Variants in PPIP5K2 observed in about 807,000 individuals in gnomAD.
PPIP5K2 encodes diphosphoinositol pentakisphosphate kinase 2, also known as inositol hexakisphosphate and diphosphoinositol-pentakisphosphate kinase 2.
In PPIP5K2, 105 loss-of-function variants were observed where a neutral mutation model predicts 154.6. The observed-to-expected ratio is 0.68, with a 90% CI of 0.58 to 0.80. PPIP5K2 has a LOEUF of 0.80. Ranked by LOEUF, PPIP5K2 falls within the 30% of genes least tolerant of loss-of-function variation. The pLI is 0.00. For missense variants in PPIP5K2, 992 were observed against 1,504.6 expected (o/e 0.66, Z 5.64); for synonymous variants, 480 against 490.3 (o/e 0.98, Z 0.28).
chr5:103,125,617 C>G (rs1242467369), intron 1 of PPIP5K2, among the ~76,000 whole-genome samples: 1 of 151,928 alleles, frequency 6.6e-6, no homozygotes, highest in African/African-American at 2.4e-5. Flanking sequence ...TATAACTTGT[C>G]TGTATTTCAT....
At chr5:103,145,782 C>T (rs1164074245) in intron 5 of PPIP5K2, among the ~76,000 whole-genome samples, 2 of 151,432 alleles carry the variant, frequency 1.3e-5, no homozygotes, top group African/African-American at 2.4e-5. Context: ...TATAGCAACA[C>T]AGATAGAATA....
At chr5:103,165,968 AG>A (rs1488958609) in intron 17 of PPIP5K2, among the ~76,000 whole-genome samples, 3 of 152,110 alleles carry the variant, frequency 2.0e-5, no homozygotes, top group African/African-American at 7.2e-5. Context: ...AGCTATAGAC[AG>A]TAGCAGAGCT....
intron 29 of PPIP5K2, among the ~76,000 whole-genome samples, chr5:103,193,291 T>G (rs1288860317): frequency 5.3e-5 from 8 of 152,098 alleles, no homozygotes; most frequent in Admixed American, 3.9e-4. Flanking sequence ...ATACTATTTA[T>G]TAAATTATAG....
chr5:103,139,666 TCACCAAA>T (rs1735985943), intron 5 of PPIP5K2, among the ~76,000 whole-genome samples: 1 of 152,112 alleles, frequency 6.6e-6, no homozygotes, highest in Admixed American at 6.6e-5. Flanking sequence ...AAATGTGACC[TCACCAAA>T]CAAACTAAAT....
At chr5:103,138,590 AAAT>A (rs1791994411) in intron 5 of PPIP5K2, 121 bp downstream of exon 5, 1 of 529,814 alleles carries the variant, frequency 1.9e-6, no homozygotes, top group South Asian at 3.6e-5. Context: ...CCATTTTAAA[AAAT>A]AATCTAAACA....
In PPIP5K2 at chr5:103,172,580, A is replaced by G. The variant is rs529949315; in HGVS notation, c.2287-575A>G. On this transcript the variant is annotated intron_variant, in intron 19 of 30. Transcript: ENST00000358359. Reference sequence around the variant, plus strand: ...CATTGCAATTACTCTTAAAATTGCCATGTTTTCTGGACACTTCACATTGTG... The same window carrying G: ...CATTGCAATTACTCTTAAAATTGCCGTGTTTTCTGGACACTTCACATTGTG... Among the ~76,000 whole-genome samples, 11 of 151,648 alleles carry G rather than the reference A, an allele frequency of 7.3e-5. 1 individual carries two copies. The highest frequency in any genetic ancestry group is 6.2e-4 in the South Asian group (3 of 4,812).
At chr5:103,149,947 G>A (rs1318610157) in intron 8 of PPIP5K2, among the ~76,000 whole-genome samples, 2 of 151,772 alleles carry the variant, frequency 1.3e-5, no homozygotes, top group African/African-American at 4.8e-5. Flanking sequence ...TGCCCACCTC[G>A]GCTTCCCAAA....
chr5:103,199,871 C>T (rs1375616844), intron 30 of PPIP5K2, among the ~76,000 whole-genome samples: 4 of 152,068 alleles, frequency 2.6e-5, no homozygotes, highest in Non-Finnish European at 5.9e-5. Flanking sequence ...TGTCCTAGAG[C>T]ATAGTTAGAA....
chr5:103,150,843 C>CTTTT (rs377739666), intron 8 of PPIP5K2, among the ~76,000 whole-genome samples: 4,391 of 67,312 alleles, frequency 0.065, no homozygotes, highest in South Asian at 0.1. Flanking sequence ...GTCCATCCTC[C>CTTTT]TTTTTTTTTT....
At chr5:103,174,147 T>A in intron 21 of PPIP5K2, 175 bp downstream of exon 21, 1 of 504,774 alleles carries the variant, frequency 2.0e-6, no homozygotes, top group Non-Finnish European at 3.5e-6. Flanking sequence ...GGGATAAAGA[T>A]GTTCTCTTCA....
At position 103,186,342 on chromosome 5, in the gene PPIP5K2, T is replaced by C; in HGVS notation, c.3192T>C (p.Phe1064=). ...PTVGSHCAGL[F]STSVLGGSSS... ...CAGGGTCTCACTGTGCGGGCCTGTT[T>C]AGCACCTCGGTGCTCGGGGGTTCTT... is the stretch of plus-strand genomic sequence containing the variant. The change falls in exon 27 of 31, where the codon TTT becomes TTC. Residue 1064 remains phenylalanine, a synonymous_variant. Coordinates refer to ENST00000358359, the MANE Select transcript of PPIP5K2 (RefSeq NM_001276277.3). The C allele has an allele frequency of 3.1e-6, 5 of 1,613,900 alleles. No individual in the cohort carries two copies. Among genetic ancestry groups the C allele is most frequent in the Non-Finnish European group, 4.2e-6 (5 of 1,179,876 alleles).
At chr5:103,153,264 C>T (rs1388345468) in intron 10 of PPIP5K2, among the ~76,000 whole-genome samples, 3 of 151,574 alleles carry the variant, frequency 2.0e-5, no homozygotes, top group Non-Finnish European at 4.4e-5. Context: ...ATTTAACACG[C>T]AAGTGTTAAA....
intron 23 of PPIP5K2, among the ~76,000 whole-genome samples, chr5:103,179,634 T>C (rs1279654940): frequency 6.6e-6 from 1 of 152,184 alleles, no homozygotes; most frequent in Non-Finnish European, 1.5e-5. Context: ...AAGTGCTGTT[T>C]AGTTCATGCT....
At chr5:103,172,517 T>G (rs1798118166) in intron 19 of PPIP5K2, among the ~76,000 whole-genome samples, 1 of 151,602 alleles carries the variant, frequency 6.6e-6, no homozygotes, top group South Asian at 2.1e-4. Flanking sequence ...TTCTGCCTTC[T>G]TCCTTTCTCC....
Position 103,211,084 on chromosome 5 carries a change from G to A in PPIP5K2, c.*9450G>A, listed in dbSNP as rs1554232561. The A allele has an allele frequency of 6.6e-6, 1 of 152,092 alleles. No individual in the cohort carries two copies. The highest frequency in any genetic ancestry group is 1.5e-5 in the Non-Finnish European group (1 of 67,970). 9.4% of individuals were successfully genotyped at this position (152,092 alleles called of 1,614,324 possible). On this transcript the variant is annotated 3_prime_UTR_variant, in exon 31 of 31. Coordinates refer to ENST00000358359, the MANE Select transcript of PPIP5K2 (RefSeq NM_001276277.3). The stretch of plus-strand genomic sequence containing the variant: ...CATATGCATTATTACCCTTGTCTGA[G>A]TGGTTGTTTAAACTGACATCTGTAA...
rs149020108 is a variant in PPIP5K2, at chr5:103,141,364, G to A, written c.487+2895G>A. ...GTGAAGCTGCAGACCTTCGCGGTGA[G>A]TGTTACAGCTCTTAAGGTAGCGCGT... On this transcript the variant is annotated intron_variant, in intron 5 of 30. Coordinates refer to ENST00000358359, the MANE Select transcript of PPIP5K2 (RefSeq NM_001276277.3). Among the ~76,000 whole-genome samples the A allele has an allele frequency of 9.0e-3, 1,369 of 152,290 alleles. 8 individuals are homozygous for A. The highest frequency in any genetic ancestry group is 0.013 in the Non-Finnish European group (856 of 68,020).
chr5:103,137,102 A>T (rs1404380403), intron 4 of PPIP5K2, among the ~76,000 whole-genome samples: 2 of 152,058 alleles, frequency 1.3e-5, no homozygotes, highest in Non-Finnish European at 2.9e-5. Context: ...ATTCAAACTT[A>T]TGAGCACTTT....
In PPIP5K2 at chr5:103,146,507, C is replaced by T; in HGVS notation, c.488-20C>T. On this transcript the variant is annotated intron_variant, in intron 5 of 30. Coordinates refer to ENST00000358359, the MANE Select transcript of PPIP5K2 (RefSeq NM_001276277.3). ...TAATAAGAATATGTGATATTTCTTG[C>T]AATCGTGTTTGTTTTATAGAATGTA... The T allele has an allele frequency of 6.2e-7, 1 of 1,601,352 alleles. No individual in the cohort carries two copies. Among genetic ancestry groups the T allele is most frequent in the Non-Finnish European group, 8.5e-7 (1 of 1,173,978 alleles).
intron 8 of PPIP5K2, among the ~76,000 whole-genome samples, chr5:103,150,140 T>C (rs782175012): frequency 1.3e-4 from 20 of 152,240 alleles, no homozygotes; most frequent in Non-Finnish European, 2.5e-4. Context: ...ATAAAAATTT[T>C]ACCTTCTTGA....
Sources: gnomAD v4.1 joint callset for allele counts (sites outside exome capture counted in the v4.1 genomes callset) on GRCh38, gnomAD v4.1.1 for gene constraint, MANE v1.5 for transcripts, NCBI Gene and HGNC (gene_info 2026-07-23, HGNC 2026-07-21) for gene names.